RP1: variants seen among roughly 807,000 people sequenced by gnomAD.
RP1 encodes the protein oxygen-regulated protein 1.
RP1 carries 16 observed loss-of-function variants against 14.8 expected under a neutral mutation model. The observed-to-expected ratio is 1.08, with a 90% confidence interval of 0.73 to 1.65. The LOEUF (loss-of-function observed/expected upper bound fraction) is 1.65. Among genes scored for constraint, RP1 ranks in the 40% most tolerant of loss-of-function variants. The probability of loss-of-function intolerance (pLI) is 0.00; values close to 1 mark genes in which losing one functional copy is unlikely to be tolerated. For synonymous variants in RP1, 876 were observed against 883.6 expected, an observed-to-expected ratio of 0.99 and a Z score of 0.15; for missense variants, 2,631 against 2,535.0, an observed-to-expected ratio of 1.04 and a Z score of -0.81.
intron 16 of RP1, chr8:54,720,311 G>A (rs768969107): frequency 1.3e-6 from 2 of 1,532,020 alleles, no homozygotes; most frequent in South Asian, 2.4e-5. Context: ...TCCAATGTAT[G>A]TTTACTCTGA....
chr8:54,720,381 C>T, intron 16 of RP1: 1 of 1,259,636 alleles, frequency 7.9e-7, no homozygotes, highest in Non-Finnish European at 1.1e-6. Flanking sequence ...AAAATTTCAT[C>T]ACATTTTTAC....
intron 1 of RP1, among the ~76,000 whole-genome samples, chr8:54,571,532 A>G (rs929243258): frequency 6.6e-6 from 1 of 152,246 alleles, no homozygotes; most frequent in African/African-American, 2.4e-5. Flanking sequence ...GTATGGCAGC[A>G]TGGATGGTTC....
intron 15 of RP1, among the ~76,000 whole-genome samples, chr8:54,713,877 A>G (rs1808344188): frequency 6.6e-6 from 1 of 152,244 alleles, no homozygotes; most frequent in Non-Finnish European, 1.5e-5. Flanking sequence ...ATGGTCTTAC[A>G]TTTCACTATT....
chr8:54,718,842 T>C (rs988890846), intron 15 of RP1, among the ~76,000 whole-genome samples: 3 of 152,058 alleles, frequency 2.0e-5, no homozygotes, highest in Non-Finnish European at 4.4e-5. Flanking sequence ...GAGGGAAGTA[T>C]GGAAAGGATA....
chr8:54,634,427 G>A (rs1322085210), downstream of RP1, among the ~76,000 whole-genome samples: 2 of 152,102 alleles, frequency 1.3e-5, no homozygotes, highest in African/African-American at 4.8e-5. Flanking sequence ...AGAATAGTTT[G>A]CATTATCTGT....
intron 6 of RP1, among the ~76,000 whole-genome samples, chr8:54,658,851 G>T (rs567891413): frequency 1.3e-5 from 2 of 150,622 alleles, no homozygotes; most frequent in South Asian, 2.1e-4. Context: ...ATCCCACAAG[G>T]GTTCCAATTT....
chr8:54,626,364 C>A lies in RP1; in HGVS notation c.2482C>A (p.Gln828Lys). Residue 828 changes from glutamine (Q) to lysine (K), a missense_variant, in exon 4 of 4, where the codon CAA becomes AAA. Coordinates refer to ENST00000220676, the MANE Select transcript of RP1 (RefSeq NM_006269.2). ...SLFHVFNILE[Q>K]KPKDFYAPQS... ...ATTTCATGTATTTAACATCCTTGAGCAAAAACCCAAAGATTTTTATGCACC... is the reference window on the plus strand; with the variant it reads ...ATTTCATGTATTTAACATCCTTGAGAAAAAACCCAAAGATTTTTATGCACC... 6.2e-7 allele frequency: 1 copy of A among 1,613,340 alleles called. No individual in the cohort carries two copies. Among genetic ancestry groups the A allele is most frequent in the Non-Finnish European group, 8.5e-7 (1 of 1,179,834 alleles).
chr8:54,686,420 T>G (rs1341569344), intron 12 of RP1, among the ~76,000 whole-genome samples: 1 of 152,064 alleles, frequency 6.6e-6, no homozygotes, highest in African/African-American at 2.4e-5. Flanking sequence ...GAACCAATAT[T>G]TCTATTTAGT....
intron 15 of RP1, among the ~76,000 whole-genome samples, chr8:54,707,196 T>A (rs1187915271): frequency 6.6e-6 from 1 of 152,190 alleles, no homozygotes; most frequent in African/African-American, 2.4e-5. Flanking sequence ...TGGAGTGCAG[T>A]CATGCAATCT....
chr8:54,803,386 G>A (rs960047540), intron 24 of RP1, among the ~76,000 whole-genome samples: 1 of 152,228 alleles, frequency 6.6e-6, no homozygotes. Flanking sequence ...TTGTAACACC[G>A]GGGATTATGA....
chr8:54,869,830 T>C, intron 28 of RP1: 1 of 1,179,174 alleles, frequency 8.5e-7, no homozygotes. Flanking sequence ...ATCTTCTTTT[T>C]TTTGCATGGC....
intron 23 of RP1, among the ~76,000 whole-genome samples, chr8:54,777,095 T>G (rs981459327): frequency 6.6e-6 from 1 of 152,164 alleles, no homozygotes; most frequent in Non-Finnish European, 1.5e-5. Flanking sequence ...TCCGATAAAA[T>G]GTAGGTAATA....
At chr8:54,714,039 C>T (rs528114497) in intron 15 of RP1, among the ~76,000 whole-genome samples, 7 of 152,286 alleles carry the variant, frequency 4.6e-5, no homozygotes, top group African/African-American at 1.7e-4. Flanking sequence ...GATTCTCCTG[C>T]CTCAGCTTCC....
At chr8:54,859,230 AG>A (rs1812282039) in intron 27 of RP1, among the ~76,000 whole-genome samples, 1 of 150,462 alleles carries the variant, frequency 6.6e-6, no homozygotes, top group Admixed American at 6.6e-5. Context: ...GTCACTGTAG[AG>A]GGGTGTCACT....
At chr8:54,736,219 G>A (rs539213874) in intron 18 of RP1, among the ~76,000 whole-genome samples, 12 of 152,058 alleles carry the variant, frequency 7.9e-5, no homozygotes, top group Non-Finnish European at 1.8e-4. Flanking sequence ...CTATCTTTAT[G>A]TATAGAATAC....
intron 27 of RP1, among the ~76,000 whole-genome samples, chr8:54,857,333 G>T (rs1812228639): frequency 2.1e-5 from 3 of 145,264 alleles, no homozygotes; most frequent in Admixed American, 6.9e-5. Context: ...TATATTTATA[G>T]AATATATATT....
chr8:54,652,887 T>C (rs1806685106), intron 5 of RP1: 1 of 1,508,848 alleles, frequency 6.6e-7, no homozygotes, highest in Non-Finnish European at 8.9e-7. Flanking sequence ...ATCAACACTT[T>C]CCCATTCTTT....
At position 54,630,010 on chromosome 8, in the gene RP1, T is replaced by C. The variant is rs762392219; in HGVS notation, c.6128T>C (p.Val2043Ala). ...CMNFLHTSLL[V>A]VGNVDSNTQD... ...AATTTCTTGCACACATCATTGTTAG[T>C]TGTGGGTAATGTGGATTCAAATACA... The change falls in exon 4 of 4, where the codon GTT (valine) becomes GCT (alanine). Residue 2043 changes from valine to alanine, a missense_variant. Physicochemically the swap from Val to Ala is moderately conservative, Grantham distance 64. Transcript: ENST00000220676. 3.7e-6 allele frequency: 6 copies of C among 1,613,926 alleles called. No individual in the cohort carries two copies. The highest frequency in any genetic ancestry group is 1.3e-5 in the African/African-American group (1 of 74,922).
chr8:54,811,653 A>C (rs1810997946), intron 24 of RP1, among the ~76,000 whole-genome samples: 1 of 152,202 alleles, frequency 6.6e-6, no homozygotes, highest in Non-Finnish European at 1.5e-5. Flanking sequence ...GTGTGAGTTC[A>C]AATTACATAT....
Sources: gnomAD v4.1 joint callset for allele counts (sites outside exome capture counted in the v4.1 genomes callset) on GRCh38, gnomAD v4.1.1 for gene constraint, MANE v1.5 for transcripts, NCBI Gene and HGNC (gene_info 2026-07-23, HGNC 2026-07-21) for gene names.